The following RPS6KA1 variants were observed in gnomAD, a reference collection of about 807,000 sequenced individuals.
The protein encoded by RPS6KA1 is ribosomal protein S6 kinase A1.
Under a neutral mutation model 91.3 loss-of-function variants are expected in RPS6KA1, and 48 were observed. The ratio of observed to expected loss-of-function variants is 0.53; its 90% CI spans 0.42 to 0.67. The LOEUF (loss-of-function observed/expected upper bound fraction) is 0.67, where lower values mean the gene tolerates loss of function less well. Among genes scored for constraint, RPS6KA1 ranks in the 30% least tolerant of loss-of-function variants. The probability of loss-of-function intolerance (pLI) is 0.00; values close to 1 mark genes in which losing one functional copy is unlikely to be tolerated. For synonymous variants in RPS6KA1, 359 were observed against 384.7 expected, an observed-to-expected ratio of 0.93 and a Z score of 0.78; for missense variants, 719 against 960.5, an observed-to-expected ratio of 0.75 and a Z score of 3.32.
rs1374897764 is a variant in RPS6KA1 at position 26,574,390 on chromosome 1, C to T, written c.*189C>T. On this transcript the variant is annotated 3_prime_UTR_variant, in exon 22 of 22. Coordinates refer to ENST00000374168, the MANE Select transcript of RPS6KA1 (RefSeq NM_002953.4). This position sits in a 1 kb window ranked among gnomAD's most constrained non-coding sequence, Gnocchi z 4.3. ...CTCCTTCCCCAGGATGGACTCTTCT[C>T]GGCTCAGGCTCTGCTGGTGGAAAGC... 5 of 799,862 alleles carry T rather than the reference C, an allele frequency of 6.3e-6. No homozygotes were observed. The highest frequency in any genetic ancestry group is 2.2e-4 in the Middle Eastern group (1 of 4,480). The allele number at this position is 799,862 out of a possible 1,614,324, so 49.5% of individuals were successfully genotyped here.
At chr1:26,559,389 C>T (rs188313671) in intron 14 of RPS6KA1, among the ~76,000 whole-genome samples, 6 of 152,114 alleles carry the variant, frequency 3.9e-5, no homozygotes, top group African/African-American at 9.6e-5. Context: ...GTTTTTGAGA[C>T]GTAGTCTTGC....
chr1:26,560,977 G>T lies in RPS6KA1; in HGVS notation c.1342-68G>T, dbSNP rs1026557325. On this transcript the variant is annotated intron_variant, in intron 15 of 21. Coordinates refer to ENST00000374168, the MANE Select transcript of RPS6KA1 (RefSeq NM_002953.4). Reference sequence around the variant, plus strand: ...GTGTGTGGCCGAGACCTCCTGGCCTGCTCCATGGCCAGAAAGGACCCTGGA... The same window carrying T: ...GTGTGTGGCCGAGACCTCCTGGCCTTCTCCATGGCCAGAAAGGACCCTGGA... The T allele has an allele frequency of 1.2e-5, 19 of 1,590,040 alleles. No individual in the cohort carries two copies. The Admixed American group carries it at 3.2e-4, about 27-fold the overall frequency.
intron 17 of RPS6KA1, among the ~76,000 whole-genome samples, chr1:26,566,186 G>A (rs2076200010): frequency 6.6e-6 from 1 of 151,766 alleles, no homozygotes; most frequent in South Asian, 2.1e-4. Context: ...CCCAACAGAA[G>A]TGTGTGAGAG....
Position 26,551,336 on chromosome 1 carries a change from G to T in RPS6KA1, c.308-61G>T, listed in dbSNP as rs2076047653. 6.9e-7 allele frequency: 1 copy of T among 1,439,136 alleles called. No homozygotes were observed. Among genetic ancestry groups the T allele is most frequent in the Non-Finnish European group, 9.8e-7 (1 of 1,022,240 alleles). 89.1% of individuals were successfully genotyped at this position (1,439,136 alleles called of 1,614,324 possible). ...GTGGAAAAGAGATCCCTTAGCGGGGGCTTGGGAGTGGCTGTGTTGAGTGTC... is the reference window on the plus strand; with the variant it reads ...GTGGAAAAGAGATCCCTTAGCGGGGTCTTGGGAGTGGCTGTGTTGAGTGTC... On this transcript the variant is annotated intron_variant, in intron 4 of 21. Transcript: ENST00000374168. The surrounding 1 kb of genome is among the most constrained non-coding windows in gnomAD (Gnocchi z 4.5).
chr1:26,560,102 A>G (rs1489778255), intron 14 of RPS6KA1, among the ~76,000 whole-genome samples: 3 of 152,350 alleles, frequency 2.0e-5, no homozygotes, highest in East Asian at 1.9e-4. Context: ...TAAGGTGACT[A>G]TGTAATTTAT....
chr1:26,544,309 C>T (rs1321257115), intron 2 of RPS6KA1: 26 of 430,432 alleles, frequency 6.0e-5, no homozygotes, highest in Non-Finnish European at 1.2e-4. Context: ...GGGTACATGT[C>T]ACATGTTAGG....
rs771555954 is a variant in RPS6KA1, at chr1:26,551,510, C to T, written c.388+33C>T. Reference sequence around the variant, plus strand: ...TTCTGGCCCTGCCTGAGCTCCTACCCCACCCATCCTTCGCCCTTGCCTGTG... The same window carrying T: ...TTCTGGCCCTGCCTGAGCTCCTACCTCACCCATCCTTCGCCCTTGCCTGTG... On this transcript the variant is annotated intron_variant, in intron 5 of 21. Coordinates refer to ENST00000374168, the MANE Select transcript of RPS6KA1 (RefSeq NM_002953.4). The surrounding 1 kb of genome is among the most constrained non-coding windows in gnomAD (Gnocchi z 4.5). 6.2e-7 allele frequency: 1 copy of T among 1,609,890 alleles called. No homozygotes were observed. Among genetic ancestry groups the T allele is most frequent in the Non-Finnish European group, 8.5e-7 (1 of 1,176,198 alleles).
At chr1:26,541,133 G>C (rs191700748) in intron 2 of RPS6KA1, among the ~76,000 whole-genome samples, 1 of 151,870 alleles carries the variant, frequency 6.6e-6, no homozygotes, top group African/African-American at 2.4e-5. Flanking sequence ...GTGGTGGTAC[G>C]CACTTGTCCT....
chr1:26,561,601 C>T lies in RPS6KA1; in HGVS notation c.1528C>T (p.Arg510Trp), dbSNP rs144489369. 211 of 1,613,916 alleles carry T rather than the reference C, an allele frequency of 1.3e-4. No individual in the cohort carries two copies. The highest frequency in any genetic ancestry group is 1.5e-4 in the Non-Finnish European group (182 of 1,179,902). ...CCTGCGGCAGAAGTTCTTCTCAGAG[C>T]GGGAGGCCAGCTTTGTCCTGCACAC... is the stretch of plus-strand genomic sequence containing the variant. ...KILRQKFFSE[R>W]EASFVLHTIG... Residue 510 changes from arginine to tryptophan, a missense_variant, in exon 17 of 22, where the codon CGG (arginine) becomes TGG (tryptophan). By Grantham distance (101) the Arg-to-Trp change is moderately radical. This residue lies in a region of RPS6KA1 where 249 missense variants were observed against 323.1 expected (regional missense o/e 0.77). Coordinates refer to ENST00000374168, the MANE Select transcript of RPS6KA1 (RefSeq NM_002953.4). The surrounding 1 kb of genome is among the most constrained non-coding windows in gnomAD (Gnocchi z 5.7).
chr1:26,552,718 C>T (rs1346364033), intron 6 of RPS6KA1: 1 of 233,244 alleles, frequency 4.3e-6, no homozygotes, highest in Non-Finnish European at 8.8e-6. Context: ...AACTCCTGAC[C>T]TCGGGTGATC....
chr1:26,538,149 G>T (rs574501975), intron 2 of RPS6KA1, among the ~76,000 whole-genome samples: 1 of 152,340 alleles, frequency 6.6e-6, no homozygotes, highest in East Asian at 1.9e-4. Flanking sequence ...TCTGTGGGTT[G>T]CTGTGGCAAC....
At chr1:26,567,946 C>T (rs899612937) in intron 17 of RPS6KA1, among the ~76,000 whole-genome samples, 1 of 152,228 alleles carries the variant, frequency 6.6e-6, no homozygotes, top group Non-Finnish European at 1.5e-5. Context: ...GATTCACACC[C>T]TGGCCTGCCC....
chr1:26,573,960 C>G lies in RPS6KA1; in HGVS notation c.2086-119C>G, dbSNP rs1330084002. The G allele has an allele frequency of 2.1e-5, 25 of 1,171,112 alleles. No individual in the cohort carries two copies. The African/African-American group carries it at 3.0e-4, about 14-fold the overall frequency. The allele number at this position is 1,171,112 out of a possible 1,614,324, so 72.5% of individuals were successfully genotyped here. A position where few individuals can be genotyped will look rare whatever the true frequency, so the allele number is the denominator to read the frequency against. The stretch of plus-strand genomic sequence containing the variant: ...CTCAAAAAAAAAAAAACAACAAAAA[C>G]AAAACCAAAAAAAGTGGGCTGTGGA... On this transcript the variant is annotated intron_variant, in intron 21 of 21. Coordinates refer to ENST00000374168, the MANE Select transcript of RPS6KA1 (RefSeq NM_002953.4).
chr1:26,568,138 T>A (rs923535942), intron 17 of RPS6KA1, among the ~76,000 whole-genome samples: 4 of 152,238 alleles, frequency 2.6e-5, no homozygotes, highest in African/African-American at 7.2e-5. Context: ...GGGTCCGAGT[T>A]GCTATGTAGT....
At position 26,571,515 on chromosome 1, in the gene RPS6KA1, C is replaced by T; in HGVS notation, c.1657C>T (p.Leu553=). 6.2e-7 allele frequency: 1 copy of T among 1,614,220 alleles called. No individual in the cohort carries two copies. Among genetic ancestry groups the T allele is most frequent in the Non-Finnish European group, 8.5e-7 (1 of 1,180,044 alleles). ...GGACGAGTCCGGGAATCCCGAGTGC[C>T]TGCGCATCTGTGACTTTGGTTTTGC... ...YVDESGNPEC[L]RICDFGFAKQ... Residue 553 remains leucine (L), a synonymous_variant, in exon 18 of 22, where the codon CTG becomes TTG. Coordinates refer to ENST00000374168, the MANE Select transcript of RPS6KA1 (RefSeq NM_002953.4). This position sits in a 1 kb window ranked among gnomAD's most constrained non-coding sequence, Gnocchi z 5.1.
chr1:26,556,864 C>T (rs896402188), intron 12 of RPS6KA1, 134 bp from the exon 13 acceptor site: 52 of 1,204,860 alleles, frequency 4.3e-5, no homozygotes, highest in Non-Finnish European at 6.1e-5. Context: ...CAAGGGCTGG[C>T]CTCCTGAGGG....
At chr1:26,550,269 G>A (rs145528922) in intron 4 of RPS6KA1, among the ~76,000 whole-genome samples, 2,453 of 143,138 alleles carry the variant, frequency 0.017, 58 homozygotes, top group African/African-American at 0.059. Context: ...TGCAACCTCC[G>A]CCTCCTGGGT....
At chr1:26,549,378 C>G (rs1034899614) in intron 4 of RPS6KA1, among the ~76,000 whole-genome samples, 2 of 151,832 alleles carry the variant, frequency 1.3e-5, no homozygotes, top group Non-Finnish European at 2.9e-5. Context: ...CAAGACCAGC[C>G]TGGCCAACAT....
Position 26,546,910 on chromosome 1 carries a change from A to G in RPS6KA1, c.152A>G (p.Lys51Arg). The change falls in exon 3 of 22, where the codon AAG becomes AGG. Residue 51 changes from lysine (K) to arginine (R), a missense_variant. Lys to Arg is a conservative substitution (Grantham distance 26, BLOSUM62 2). Coordinates refer to ENST00000374168, the MANE Select transcript of RPS6KA1 (RefSeq NM_002953.4). The part of the protein sequence containing the change: ...LKEISITHHV[K>R]AGSEKADPSH... ...GAGATCTCCATCACGCACCACGTCA[A>G]GGCTGGCTCTGAGAAGGCTGATCCA... The G allele has an allele frequency of 6.2e-7, 1 of 1,614,194 alleles. No individual in the cohort carries two copies. Among genetic ancestry groups the G allele is most frequent in the Non-Finnish European group, 8.5e-7 (1 of 1,180,028 alleles).
Sources: allele counts gnomAD v4.1 joint callset (sites outside exome capture counted in the v4.1 genomes callset), GRCh38; gene constraint gnomAD v4.1.1; regional missense constraint gnomAD v4.1.1; non-coding constraint Gnocchi (gnomAD v3.1); transcripts MANE v1.5; gene names NCBI Gene and HGNC (gene_info 2026-07-23, HGNC 2026-07-21).